The following PTPRD variants were observed in gnomAD, a reference collection of about 807,000 sequenced individuals.
PTPRD encodes protein tyrosine phosphatase receptor type D.
A neutral mutation model predicts 214.5 loss-of-function variants in PTPRD; 34 were observed. The ratio of observed to expected loss-of-function variants is 0.16; its 90% CI spans 0.12 to 0.21. The LOEUF (loss-of-function observed/expected upper bound fraction) is 0.21, where lower values mean the gene tolerates loss of function less well. Ranked by LOEUF, PTPRD falls within the 10% of genes least tolerant of loss-of-function variation. PTPRD has a pLI of 1.00. For missense variants in PTPRD, 2,545 were observed against 2,398.7 expected (o/e 1.06, Z -1.27); for synonymous variants, 1,128 against 845.7 (o/e 1.33, Z -5.79).
At position 10,264,597 on chromosome 9, in the gene PTPRD, G is replaced by A. The variant is rs533378863; in HGVS notation, c.-545+76366C>T. Reference sequence around the variant, plus strand: ...CCTGTACCCCCATTGTATCTAGGAAGTAGCTAACTTGCTTTTGATTTTACA... The same window carrying A: ...CCTGTACCCCCATTGTATCTAGGAAATAGCTAACTTGCTTTTGATTTTACA... On this transcript the variant is annotated intron_variant, in intron 3 of 45. Coordinates refer to ENST00000381196, the MANE Select transcript of PTPRD (RefSeq NM_002839.4). Among the ~76,000 whole-genome samples, 277 of 152,306 alleles carry A rather than the reference G, an allele frequency of 1.8e-3. 1 individual carries two copies. The highest frequency in any genetic ancestry group is 3.1e-3 in the Admixed American group (47 of 15,300).
At chr9:10,322,456 T>C (rs1264902118) in intron 3 of PTPRD, among the ~76,000 whole-genome samples, 1 of 152,044 alleles carries the variant, frequency 6.6e-6, no homozygotes, top group East Asian at 1.9e-4. Context: ...TGGGACAATA[T>C]GTCAAACCTA....
intron 3 of PTPRD, among the ~76,000 whole-genome samples, chr9:10,266,418 G>C (rs977987116): frequency 1.3e-5 from 2 of 152,148 alleles, no homozygotes; most frequent in Admixed American, 6.5e-5. Flanking sequence ...TAAGAGAATG[G>C]ATGAGGCTAA....
chr9:9,333,526 A>ATATATATATATATCTATAT (rs1569567452), intron 9 of PTPRD, among the ~76,000 whole-genome samples: 1 of 142,696 alleles, frequency 7.0e-6, no homozygotes, highest in African/African-American at 2.8e-5. Flanking sequence ...ATATATATAT[A>ATATATATATATATCTATAT]AAGTCTGCAA....
At chr9:9,799,794 G>T (rs1421123463) in intron 5 of PTPRD, among the ~76,000 whole-genome samples, 1 of 152,104 alleles carries the variant, frequency 6.6e-6, no homozygotes, top group Non-Finnish European at 1.5e-5. Context: ...TTAACAAAAG[G>T]ACAAAGCAAG....
chr9:8,800,685 G>A (rs13301131), intron 11 of PTPRD, among the ~76,000 whole-genome samples: 44,169 of 152,008 alleles, frequency 0.29, 6,707 homozygotes, highest in East Asian at 0.43. Flanking sequence ...CAGCAGCCTC[G>A]GGGCTGCTCT....
intron 9 of PTPRD, among the ~76,000 whole-genome samples, chr9:9,277,326 C>A (rs1180046387): frequency 6.6e-6 from 1 of 151,262 alleles, no homozygotes; most frequent in Non-Finnish European, 1.5e-5. Flanking sequence ...TAGGAAGCTT[C>A]ATATATTCAG....
intron 10 of PTPRD, among the ~76,000 whole-genome samples, chr9:9,169,637 G>A (rs909756193): frequency 6.6e-6 from 1 of 152,016 alleles, no homozygotes; most frequent in African/African-American, 2.4e-5. Context: ...CCTTCTTTCT[G>A]TTTTTGCCAA....
At chr9:8,962,755 G>C (rs2154320393) in intron 11 of PTPRD, 1 of 152,224 alleles carries the variant, frequency 6.6e-6, no homozygotes, top group South Asian at 2.1e-4. Flanking sequence ...AATTTGGTTA[G>C]GATGAAGAAA....
chr9:8,632,121 TTGTGTGTGTGTGTGTG>T (rs146691738), intron 14 of PTPRD, among the ~76,000 whole-genome samples: 1 of 144,694 alleles, frequency 6.9e-6, no homozygotes, highest in South Asian at 2.2e-4. Flanking sequence ...AATTGCTTCT[TTGTGTGTGTGTGTGTG>T]TGTGTGTGTG....
chr9:10,400,211 A>G (rs1167421512), intron 2 of PTPRD, among the ~76,000 whole-genome samples: 2 of 151,818 alleles, frequency 1.3e-5, no homozygotes, highest in Admixed American at 6.6e-5. Flanking sequence ...TAAAAGAAGG[A>G]TAATAATAGT....
At chr9:8,856,141 A>G (rs1336306907) in intron 11 of PTPRD, among the ~76,000 whole-genome samples, 2 of 152,202 alleles carry the variant, frequency 1.3e-5, no homozygotes, top group African/African-American at 4.8e-5. Flanking sequence ...ATATATGTTC[A>G]AAGTAAGTAA....
intron 2 of PTPRD, among the ~76,000 whole-genome samples, chr9:10,364,256 C>A (rs2097466689): frequency 6.6e-6 from 1 of 152,066 alleles, no homozygotes; most frequent in Non-Finnish European, 1.5e-5. Flanking sequence ...CTGTCTTGGC[C>A]TCCCAAAGTG....
intron 3 of PTPRD, among the ~76,000 whole-genome samples, chr9:10,305,970 C>CATATATGTT (rs2096054211): frequency 6.6e-6 from 1 of 152,066 alleles, no homozygotes; most frequent in South Asian, 2.1e-4. Flanking sequence ...GACATATACA[C>CATATATGTT]ATATATGTTT....
At position 8,316,771 on chromosome 9, in the gene PTPRD, C is replaced by T. The variant is rs1020504763; in HGVS notation, c.*1103G>A. On this transcript the variant is annotated 3_prime_UTR_variant, in exon 46 of 46. Coordinates refer to ENST00000381196, the MANE Select transcript of PTPRD (RefSeq NM_002839.4). Reference sequence around the variant, plus strand: ...CAGGGGGTGAGGTTTGACAATCAATCACTGATGTGCATTCCTCATTTCCCT... The same window carrying T: ...CAGGGGGTGAGGTTTGACAATCAATTACTGATGTGCATTCCTCATTTCCCT... The T allele has an allele frequency of 4.3e-6, 1 of 231,366 alleles. No homozygotes were observed. Among genetic ancestry groups the T allele is most frequent in the Non-Finnish European group, 8.6e-6 (1 of 116,692 alleles). The allele number at this position is 231,366 out of a possible 1,614,324, so 14.3% of individuals were successfully genotyped here.
At chr9:9,437,051 T>C (rs1479196274) in intron 8 of PTPRD, among the ~76,000 whole-genome samples, 2 of 152,244 alleles carry the variant, frequency 1.3e-5, no homozygotes, top group Admixed American at 1.3e-4. Flanking sequence ...GAAAATATCG[T>C]CTTGCTTTCT....
chr9:8,418,736 T>C lies in PTPRD; in HGVS notation c.4087-14076A>G, dbSNP rs185883261. 1.3e-3 allele frequency among the ~76,000 whole-genome samples: 203 copies of C among 152,238 alleles called. 2 individuals are homozygous for C. Among genetic ancestry groups the C allele is most frequent in the African/African-American group, 4.8e-3 (198 of 41,556 alleles). ...TTCTTCGAGTATGTTCTATCAATGC[T>C]GATAGCTGTAAATTCATAGACTTTA... On this transcript the variant is annotated intron_variant, in intron 35 of 45. Transcript: ENST00000381196.
chr9:8,887,997 C>T (rs947638677), intron 11 of PTPRD, among the ~76,000 whole-genome samples: 14 of 152,102 alleles, frequency 9.2e-5, no homozygotes, highest in African/African-American at 3.4e-4. Flanking sequence ...TTATATATAC[C>T]CACAAACGTG....
At chr9:8,843,818 A>G (rs2097623364) in intron 11 of PTPRD, among the ~76,000 whole-genome samples, 1 of 152,194 alleles carries the variant, frequency 6.6e-6, no homozygotes, top group Non-Finnish European at 1.5e-5. Context: ...GACAGTGTCA[A>G]GCCCAGAAAG....
At chr9:9,342,103 C>A (rs1486926635) in intron 9 of PTPRD, among the ~76,000 whole-genome samples, 5 of 152,092 alleles carry the variant, frequency 3.3e-5, no homozygotes, top group Non-Finnish European at 7.4e-5. Context: ...GCCACCACAC[C>A]CAGCCAAGAT....
Sources: gnomAD v4.1 joint callset for allele counts (sites outside exome capture counted in the v4.1 genomes callset) on GRCh38, gnomAD v4.1.1 for gene constraint, MANE v1.5 for transcripts, NCBI Gene and HGNC (gene_info 2026-07-23, HGNC 2026-07-21) for gene names.